The following SLC1A2 variants were observed in gnomAD, a reference collection of about 807,000 sequenced individuals.
The protein encoded by SLC1A2 is excitatory amino acid transporter 2.
Under a neutral mutation model 48.8 loss-of-function variants are expected in SLC1A2, and 15 were observed. That is an observed-to-expected ratio of 0.31 (90% CI 0.21 to 0.47). The LOEUF is 0.47. SLC1A2 is among the 20% of genes least tolerant of loss of function. The pLI is 0.99. For missense variants in SLC1A2, 502 were observed against 730.5 expected, an observed-to-expected ratio of 0.69 and a Z score of 3.61; for synonymous variants, 279 against 272.6, an observed-to-expected ratio of 1.02 and a Z score of -0.23.
intron 1 of SLC1A2, among the ~76,000 whole-genome samples, chr11:35,395,213 C>A (rs1253349600): frequency 6.6e-6 from 1 of 151,802 alleles, no homozygotes. Context: ...AAGCCATGCA[C>A]CAACACAGAG....
At chr11:35,411,129 T>G (rs548278939) in intron 1 of SLC1A2, among the ~76,000 whole-genome samples, 1 of 152,366 alleles carries the variant, frequency 6.6e-6, no homozygotes, top group South Asian at 2.1e-4. Flanking sequence ...TGCTGATTGA[T>G]GGGATTGAGT....
At position 35,265,772 on chromosome 11, in the gene SLC1A2, A is replaced by G; in HGVS notation, c.1422-14T>C. 1 of 1,548,462 alleles carries G rather than the reference A, an allele frequency of 6.5e-7. No homozygotes were observed. Among genetic ancestry groups the G allele is most frequent in the Non-Finnish European group, 8.9e-7 (1 of 1,122,688 alleles). On this transcript the variant is annotated splice_polypyrimidine_tract_variant and intron_variant, in intron 9 of 10. Transcript: ENST00000278379. ...CTCATCCTGTCCCTGGGGACAAAGA[A>G]CAGAAAAGGTTCAGTGAGGAAGCAG...
At chr11:35,337,150 T>G (rs994985778) in intron 1 of SLC1A2, among the ~76,000 whole-genome samples, 4 of 152,006 alleles carry the variant, frequency 2.6e-5, no homozygotes, top group African/African-American at 9.7e-5. Flanking sequence ...TTTGCCAGAA[T>G]CATGAAGAAT....
intron 10 of SLC1A2, among the ~76,000 whole-genome samples, chr11:35,262,453 C>A (rs1395168171): frequency 3.3e-5 from 5 of 152,144 alleles, no homozygotes; most frequent in Non-Finnish European, 5.9e-5. Context: ...CCAACCTGTC[C>A]CACTTCTCTC....
chr11:35,272,872 G>C lies in SLC1A2; in HGVS notation c.1422-7114C>G, dbSNP rs60643315. Among the ~76,000 whole-genome samples, 770 of 152,260 alleles carry C rather than the reference G, an allele frequency of 5.1e-3. 8 individuals are homozygous for C. Among genetic ancestry groups the C allele is most frequent in the African/African-American group, 0.017 (726 of 41,542 alleles). On this transcript the variant is annotated intron_variant, in intron 9 of 10. Coordinates refer to ENST00000278379, the MANE Select transcript of SLC1A2 (RefSeq NM_004171.4). The stretch of plus-strand genomic sequence containing the variant: ...GGAACCAAAAATGAGAGAGGGGCTT[G>C]ACCGAGTTACTTCACACTGAGTCAC...
intron 6 of SLC1A2, chr11:35,299,331 TTG>T (rs751872490): frequency 0.041 from 5,545 of 135,666 alleles, 128 homozygotes; most frequent in Non-Finnish European, 0.061. Context: ...GGGCGAGTCT[TTG>T]TCTCTCTCTC....
intron 1 of SLC1A2, among the ~76,000 whole-genome samples, chr11:35,350,734 T>A (rs553539104): frequency 6.6e-6 from 1 of 152,236 alleles, no homozygotes; most frequent in Non-Finnish European, 1.5e-5. Flanking sequence ...TACTTATAGC[T>A]GCAGCTGCCC....
At chr11:35,371,359 AG>A (rs1854057618) in intron 1 of SLC1A2, among the ~76,000 whole-genome samples, 2 of 152,232 alleles carry the variant, frequency 1.3e-5, no homozygotes, top group Non-Finnish European at 2.9e-5. Context: ...CTCCTCTCTC[AG>A]GTTTTACTGA....
At chr11:35,398,868 C>T (rs185259011) in intron 1 of SLC1A2, among the ~76,000 whole-genome samples, 11 of 152,270 alleles carry the variant, frequency 7.2e-5, no homozygotes, top group Admixed American at 1.3e-4. Flanking sequence ...TGCCCAACTG[C>T]GTCAGAGGGG....
chr11:35,319,658 A>G (rs965231994), intron 1 of SLC1A2, among the ~76,000 whole-genome samples: 1 of 152,244 alleles, frequency 6.6e-6, no homozygotes, highest in Admixed American at 6.5e-5. Context: ...CACAAACATT[A>G]GGTTAGCATA....
intron 9 of SLC1A2, among the ~76,000 whole-genome samples, chr11:35,277,786 C>T (rs1850488409): frequency 9.8e-6 from 1 of 102,238 alleles, no homozygotes; most frequent in Non-Finnish European, 2.3e-5. Flanking sequence ...TGTGGATGGA[C>T]CCAATTATCA....
rs539650581 is a variant in SLC1A2 at position 35,419,097 on chromosome 11, C to A, written c.-131G>T. 2.7e-6 allele frequency: 2 copies of A among 736,210 alleles called. No homozygotes were observed. Among genetic ancestry groups the A allele is most frequent in the East Asian group, 6.4e-5 (2 of 31,190 alleles). The allele number at this position is 736,210 out of a possible 1,614,324, so 45.6% of individuals were successfully genotyped here. ...GAGGAGCCTCTGCCCGCCCTTCCAC[C>A]CGCCTCCGGGGTAAGCCCTTTAGCG... On this transcript the variant is annotated 5_prime_UTR_variant, in exon 1 of 11. Transcript: ENST00000278379. The surrounding 1 kb of genome is among the most constrained non-coding windows in gnomAD (Gnocchi z 5.4).
At chr11:35,355,316 C>G (rs1417064536) in intron 1 of SLC1A2, among the ~76,000 whole-genome samples, 2 of 152,240 alleles carry the variant, frequency 1.3e-5, no homozygotes, top group Admixed American at 6.5e-5. Flanking sequence ...ATCTCAGCAT[C>G]AGAGAGACCT....
chr11:35,399,773 G>C (rs927069031), intron 1 of SLC1A2: 1 of 156,148 alleles, frequency 6.4e-6, no homozygotes, highest in Non-Finnish European at 1.4e-5. Context: ...AAAGTTCTTA[G>C]AAATACAATG....
At chr11:35,414,993 G>A (rs947410722) in intron 1 of SLC1A2, among the ~76,000 whole-genome samples, 1 of 152,218 alleles carries the variant, frequency 6.6e-6, no homozygotes, top group African/African-American at 2.4e-5. Flanking sequence ...AGGAGGGCAG[G>A]GAGGGGAGGA....
At chr11:35,418,450 G>C (rs1172655612) in intron 1 of SLC1A2, 1 of 155,694 alleles carries the variant, frequency 6.4e-6, no homozygotes, top group Non-Finnish European at 1.4e-5. Flanking sequence ...ATCGGAGCGG[G>C]CCCAGCATCT....
intron 1 of SLC1A2, among the ~76,000 whole-genome samples, chr11:35,375,937 A>C (rs1259627690): frequency 6.6e-6 from 1 of 152,198 alleles, no homozygotes; most frequent in Non-Finnish European, 1.5e-5. Context: ...ACATTTGCAA[A>C]GTCACACAGC....
chr11:35,286,531 T>A (rs1342620786), intron 8 of SLC1A2: 1 of 380,534 alleles, frequency 2.6e-6, no homozygotes, highest in Non-Finnish European at 4.7e-6. Flanking sequence ...AATATCCAAT[T>A]TCTAAAGCAA....
intron 1 of SLC1A2, among the ~76,000 whole-genome samples, chr11:35,385,382 G>A (rs535447103): frequency 6.6e-5 from 10 of 152,346 alleles, no homozygotes; most frequent in Admixed American, 1.3e-4. Context: ...TACCAGGTGA[G>A]CAAACTGAGG....
Sources: gnomAD v4.1 joint callset for allele counts (sites outside exome capture counted in the v4.1 genomes callset) on GRCh38, gnomAD v4.1.1 for gene constraint, Gnocchi (gnomAD v3.1) non-coding constraint, MANE v1.5 for transcripts, NCBI Gene and HGNC (gene_info 2026-07-23, HGNC 2026-07-21) for gene names.